The following CCDC127 variants were observed in gnomAD, a reference collection of about 807,000 sequenced individuals.
CCDC127 encodes coiled-coil domain containing 127.
In CCDC127, 2 loss-of-function variants were observed where a neutral mutation model predicts 4.1. The ratio of observed to expected loss-of-function variants is 0.49; its 90% CI spans 0.20 to 1.53. The LOEUF is 1.53. Among genes scored for constraint, CCDC127 ranks in the 40% most tolerant of loss-of-function variants. The pLI is 0.23. For missense variants in CCDC127, 271 were observed against 322.9 expected (o/e 0.84, Z 1.23); for synonymous variants, 98 against 120.4 (o/e 0.81, Z 1.22).
In CCDC127 at chr5:203,882, C is replaced by T. The variant is rs1734118145; in HGVS notation, c.*1415G>A. 6.6e-6 allele frequency: 1 copy of T among 152,254 alleles called. No individual in the cohort carries two copies. Among genetic ancestry groups the T allele is most frequent in the African/African-American group, 2.4e-5 (1 of 41,450 alleles). The allele number at this position is 152,254 out of a possible 1,614,324, so 9.4% of individuals were successfully genotyped here. On this transcript the variant is annotated 3_prime_UTR_variant, in exon 3 of 3. Transcript: ENST00000296824. ...ACAGCAGGCCCAAGGCTGTGTCCTA[C>T]CAGGGCCTGTGTGCAAGGCTGGCCC...
chr5:214,285 GC>G (rs1355315144), intron 2 of CCDC127: 1 of 152,192 alleles, frequency 6.6e-6, no homozygotes, highest in Non-Finnish European at 1.5e-5. Context: ...CTATCGTTTT[GC>G]AGATGCTTCC....
At position 203,894 on chromosome 5, in the gene CCDC127, T is replaced by TGCAAG. The variant is rs1734118781; in HGVS notation, c.*1398_*1402dup. 1 of 152,272 alleles carries TGCAAG rather than the reference T, an allele frequency of 6.6e-6. No individual in the cohort carries two copies. The highest frequency in any genetic ancestry group is 2.4e-5 in the African/African-American group (1 of 41,442). 9.4% of individuals were successfully genotyped at this position (152,272 alleles called of 1,614,324 possible). Reference sequence around the variant, plus strand: ...AGGCTGTGTCCTACCAGGGCCTGTGTGCAAGGCTGGCCCTTGACTGACATC... The same window carrying TGCAAG: ...AGGCTGTGTCCTACCAGGGCCTGTGTGCAAGGCAAGGCTGGCCCTTGACTGACATC... On this transcript the variant is annotated 3_prime_UTR_variant, in exon 3 of 3. Coordinates refer to ENST00000296824, the MANE Select transcript of CCDC127 (RefSeq NM_145265.3).
intron 2 of CCDC127, among the ~76,000 whole-genome samples, chr5:206,828 G>C (rs1046786215): frequency 6.6e-6 from 1 of 152,150 alleles, no homozygotes; most frequent in Non-Finnish European, 1.5e-5. Flanking sequence ...AAGCAGCACG[G>C]AGTTGAGTCT....
rs1734137129 is a variant in CCDC127, at chr5:204,868, T to C, written c.*429A>G. ...ACCTGTTATGCAGTTCTACACATTA[T>C]CTGACAAATTCTTAATGTAATCTGG... On this transcript the variant is annotated 3_prime_UTR_variant, in exon 3 of 3. Coordinates refer to ENST00000296824, the MANE Select transcript of CCDC127 (RefSeq NM_145265.3). 6.4e-6 allele frequency: 1 copy of C among 155,798 alleles called. No individual in the cohort carries two copies. Among genetic ancestry groups the C allele is most frequent in the Non-Finnish European group, 1.4e-5 (1 of 70,648 alleles). 9.7% of individuals were successfully genotyped at this position (155,798 alleles called of 1,614,324 possible).
chr5:201,722 A>G lies in CCDC127; in HGVS notation c.*3575T>C, dbSNP rs757569392. The G allele has an allele frequency of 3.9e-5, 6 of 152,218 alleles. No individual in the cohort carries two copies. The highest frequency in any genetic ancestry group is 8.8e-5 in the Non-Finnish European group (6 of 68,036). The allele number at this position is 152,218 out of a possible 1,614,324, so 9.4% of individuals were successfully genotyped here. A position where few individuals can be genotyped will look rare whatever the true frequency, so the allele number is the denominator to read the frequency against. On this transcript the variant is annotated 3_prime_UTR_variant, in exon 3 of 3. Coordinates refer to ENST00000296824, the MANE Select transcript of CCDC127 (RefSeq NM_145265.3). ...TTGTGATGCCTTCGAACTTCATTCC[A>G]AAGTCAAGTCTGAAGCAAGCGAAAT...
In CCDC127 at chr5:199,334, T is replaced by TGTGGACGTGGCCCCTCTGTGTG. The variant is rs1560972393; in HGVS notation, c.*5941_*5962dup. 8.8e-5 allele frequency: 14 copies of TGTGGACGTGGCCCCTCTGTGTG among 159,822 alleles called. No homozygotes were observed. The highest frequency in any genetic ancestry group is 3.4e-4 in the African/African-American group (14 of 41,234). The allele number at this position is 159,822 out of a possible 1,614,324, so 9.9% of individuals were successfully genotyped here. On this transcript the variant is annotated 3_prime_UTR_variant, in exon 3 of 3. Transcript: ENST00000296824. Reference sequence around the variant, plus strand: ...CTGTGTGGTGGACGTGGCCCCTCTGTGTGGACGTGGCCCCTCTGTGTGGTG... The same window carrying TGTGGACGTGGCCCCTCTGTGTG: ...CTGTGTGGTGGACGTGGCCCCTCTGTGTGGACGTGGCCCCTCTGTGTGGTGGACGTGGCCCCTCTGTGTGGTG...
rs1734152699 is a variant in CCDC127 at position 205,474 on chromosome 5, G to C, written c.606C>G (p.Asp202Glu). Residue 202 changes from aspartate to glutamate, a missense_variant, in exon 3 of 3, where the codon GAC becomes GAG. Asp to Glu is a conservative substitution (Grantham distance 45). Coordinates refer to ENST00000296824, the MANE Select transcript of CCDC127 (RefSeq NM_145265.3). Reference protein sequence around the residue: ...VRASVDPVAADLEMAAGLTDI... With the variant: ...VRASVDPVAAELEMAAGLTDI... Reference sequence around the variant, plus strand: ...CGGTGAGACCGGCTGCCATCTCTAGGTCAGCGGCGACGGGGTCGACGGACG... The same window carrying C: ...CGGTGAGACCGGCTGCCATCTCTAGCTCAGCGGCGACGGGGTCGACGGACG... The C allele has an allele frequency of 6.2e-7, 1 of 1,613,948 alleles. No individual in the cohort carries two copies. The highest frequency in any genetic ancestry group is 1.7e-5 in the Admixed American group (1 of 60,008).
chr5:201,550 C>T lies in CCDC127; in HGVS notation c.*3747G>A, dbSNP rs1469512558. 1 of 152,170 alleles carries T rather than the reference C, an allele frequency of 6.6e-6. No individual in the cohort carries two copies. Among genetic ancestry groups the T allele is most frequent in the East Asian group, 1.9e-4 (1 of 5,194 alleles). The allele number at this position is 152,170 out of a possible 1,614,324, so 9.4% of individuals were successfully genotyped here. On this transcript the variant is annotated 3_prime_UTR_variant, in exon 3 of 3. Coordinates refer to ENST00000296824, the MANE Select transcript of CCDC127 (RefSeq NM_145265.3). Reference sequence around the variant, plus strand: ...CAGTTCACACATACACACACATATGCACGCATATGAAATATATATGCAAAT... The same window carrying T: ...CAGTTCACACATACACACACATATGTACGCATATGAAATATATATGCAAAT...
intron 2 of CCDC127, among the ~76,000 whole-genome samples, chr5:211,262 C>A (rs1466366049): frequency 1.0e-3 from 121 of 117,734 alleles, no homozygotes; most frequent in South Asian, 4.5e-3. Flanking sequence ...CATGATGGGG[C>A]AGACTGGACA....
chr5:210,392 T>C lies in CCDC127; in HGVS notation c.122-4434A>G, dbSNP rs1465250543. On this transcript the variant is annotated intron_variant, in intron 2 of 2. Transcript: ENST00000296824. The stretch of plus-strand genomic sequence containing the variant: ...GGAGAGGATACTTGCAAGCCACATA[T>C]GCAACTAAGGACTAGAATCTAAGAC... 3.3e-5 allele frequency among the ~76,000 whole-genome samples: 5 copies of C among 152,172 alleles called. No homozygotes were observed. The South Asian group carries it at 8.3e-4, about 25-fold the overall frequency.
In CCDC127 at chr5:198,010, CTCCA is replaced by C. The variant is rs1734000958; in HGVS notation, c.*7283_*7286del. 6.7e-6 allele frequency: 1 copy of C among 149,782 alleles called. No homozygotes were observed. Among genetic ancestry groups the C allele is most frequent in the Admixed American group, 6.7e-5 (1 of 14,996 alleles). The allele number at this position is 149,782 out of a possible 1,614,324, so 9.3% of individuals were successfully genotyped here. On this transcript the variant is annotated 3_prime_UTR_variant, in exon 3 of 3. Coordinates refer to ENST00000296824, the MANE Select transcript of CCDC127 (RefSeq NM_145265.3). ...CCAGGTCACCCCCACCCAGGTTTGT[CTCCA>C]TCCCCTTTCTCCTTCTGCCCCTGGT...
At position 198,630 on chromosome 5, in the gene CCDC127, T is replaced by TG. The variant is rs1734012934; in HGVS notation, c.*6666dup. The TG allele has an allele frequency of 2.0e-5, 3 of 152,362 alleles. No individual in the cohort carries two copies. The highest frequency in any genetic ancestry group is 7.2e-5 in the African/African-American group (3 of 41,470). 9.4% of individuals were successfully genotyped at this position (152,362 alleles called of 1,614,324 possible). A position where few individuals can be genotyped will look rare whatever the true frequency, so the allele number is the denominator to read the frequency against. ...CCATTCTGATAAGGCCAGCAGAGGC[T>TG]GGGGACCAACGCCTCCCTCGCCCGT... On this transcript the variant is annotated 3_prime_UTR_variant, in exon 3 of 3. Transcript: ENST00000296824.
chr5:217,293 G>A (rs1333933917), intron 1 of CCDC127: 1 of 163,128 alleles, frequency 6.1e-6, no homozygotes, highest in Non-Finnish European at 1.3e-5. Context: ...TTAAATGTAT[G>A]GCTGCTGCGA....
rs1734447163 is a variant in CCDC127, at chr5:217,742, C to A, written c.-11+351G>T. ...CTCTGCTTCGGGCTCAGCATGCACC[C>A]TCCATAGCTAGGCTGGGGGCTAACG... On this transcript the variant is annotated intron_variant, in intron 1 of 2. Coordinates refer to ENST00000296824, the MANE Select transcript of CCDC127 (RefSeq NM_145265.3). 3.3e-5 allele frequency among the ~76,000 whole-genome samples: 5 copies of A among 152,108 alleles called. No individual in the cohort carries two copies. The South Asian group carries it at 1.0e-3, about 32-fold the overall frequency.
rs1263185312 is a variant in CCDC127, at chr5:204,924, A to G, written c.*373T>C. ...GAGAAAAATAATTTGAGGAGAAAGT[A>G]TTTAGGGAGTGATGAAACAGACAGA... is the stretch of plus-strand genomic sequence containing the variant. On this transcript the variant is annotated 3_prime_UTR_variant, in exon 3 of 3. Coordinates refer to ENST00000296824, the MANE Select transcript of CCDC127 (RefSeq NM_145265.3). The G allele has an allele frequency of 1.2e-5, 2 of 168,302 alleles. No homozygotes were observed. Among genetic ancestry groups the G allele is most frequent in the African/African-American group, 4.8e-5 (2 of 42,076 alleles). The allele number at this position is 168,302 out of a possible 1,614,324, so 10.4% of individuals were successfully genotyped here.
chr5:205,459 G>A lies in CCDC127; in HGVS notation c.621C>T (p.Ala207=), dbSNP rs73730755. 31,602 of 1,613,972 alleles carry A rather than the reference G, an allele frequency of 0.02. 4,436 individuals carry two copies. The African/African-American group carries it at 0.33, about 17-fold the overall frequency. The change falls in exon 3 of 3, where the codon GCC becomes GCT. Residue 207 remains alanine, a synonymous_variant. Coordinates refer to ENST00000296824, the MANE Select transcript of CCDC127 (RefSeq NM_145265.3). ...CATGCTGAAATATGTCGGTGAGACC[G>A]GCTGCCATCTCTAGGTCAGCGGCGA... ...DPVAADLEMA[A]GLTDIFQHDT...
At position 203,946 on chromosome 5, in the gene CCDC127, C is replaced by G. The variant is rs1734119456; in HGVS notation, c.*1351G>C. 1.3e-5 allele frequency: 2 copies of G among 152,256 alleles called. No homozygotes were observed. The highest frequency in any genetic ancestry group is 4.1e-4 in the South Asian group (2 of 4,836). 9.4% of individuals were successfully genotyped at this position (152,256 alleles called of 1,614,324 possible). A position where few individuals can be genotyped will look rare whatever the true frequency, so the allele number is the denominator to read the frequency against. On this transcript the variant is annotated 3_prime_UTR_variant, in exon 3 of 3. Transcript: ENST00000296824. ...GGGAACTCGGATTCTGGGAGACTTCCCAGCACCATTAACTCCTACGCGTGG... is the reference window on the plus strand; with the variant it reads ...GGGAACTCGGATTCTGGGAGACTTCGCAGCACCATTAACTCCTACGCGTGG...
intron 2 of CCDC127, among the ~76,000 whole-genome samples, chr5:207,475 C>A (rs556682352): frequency 6.6e-6 from 1 of 152,172 alleles, no homozygotes; most frequent in Non-Finnish European, 1.5e-5. Flanking sequence ...AAGTCAAGAA[C>A]GGCTTCCTAA....
At chr5:217,501 A>G (rs1734436341) in intron 1 of CCDC127, among the ~76,000 whole-genome samples, 2 of 152,098 alleles carry the variant, frequency 1.3e-5, no homozygotes. Context: ...TACAGAATCA[A>G]CTCGATAAAA....
Sources: allele counts gnomAD v4.1 joint callset (sites outside exome capture counted in the v4.1 genomes callset), GRCh38; gene constraint gnomAD v4.1.1; transcripts MANE v1.5; gene names NCBI Gene and HGNC (gene_info 2026-07-23, HGNC 2026-07-21).